TDRKH: variants seen among roughly 807,000 people sequenced by gnomAD.
TDRKH encodes tudor and KH domain-containing protein.
Under a neutral mutation model 61.3 loss-of-function variants are expected in TDRKH, and 28 were observed. That is an observed-to-expected ratio of 0.46 (90% CI 0.34 to 0.63). TDRKH has a LOEUF of 0.63. Ranked by LOEUF, TDRKH falls within the 20% of genes least tolerant of loss-of-function variation. The probability of loss-of-function intolerance (pLI) is 0.01; values close to 1 mark genes in which losing one functional copy is unlikely to be tolerated. For synonymous variants in TDRKH, 219 were observed against 244.4 expected (o/e 0.90, Z 0.97); for missense variants, 540 against 683.4 (o/e 0.79, Z 2.34).
chr1:151,788,641 A>C (rs1650580408), intron 1 of TDRKH, among the ~76,000 whole-genome samples: 1 of 152,240 alleles, frequency 6.6e-6, no homozygotes, highest in African/African-American at 2.4e-5. Flanking sequence ...ATAGAAAAGG[A>C]TTGATCTAAG....
intron 1 of TDRKH, among the ~76,000 whole-genome samples, chr1:151,787,026 C>G (rs538821773): frequency 6.6e-6 from 1 of 152,190 alleles, no homozygotes; most frequent in Non-Finnish European, 1.5e-5. Context: ...TTTCACCATC[C>G]TGAAAGTTTG....
downstream of TDRKH, chr1:151,771,198 C>T (rs774458528): frequency 4.3e-6 from 7 of 1,613,622 alleles, no homozygotes; most frequent in South Asian, 3.3e-5. Flanking sequence ...ATGTTGGCCA[C>T]CTGCCCAGTG....
intron 1 of TDRKH, among the ~76,000 whole-genome samples, chr1:151,787,420 T>C (rs1223650309): frequency 6.6e-6 from 1 of 152,126 alleles, no homozygotes; most frequent in African/African-American, 2.4e-5. Flanking sequence ...GGTTTCACCA[T>C]ATTGGCCAGG....
At chr1:151,783,155 C>T in intron 1 of TDRKH, 106 bp from the exon 2 acceptor site, 3 of 1,006,110 alleles carry the variant, frequency 3.0e-6, no homozygotes, top group Non-Finnish European at 4.1e-6. Context: ...CTACTGCCTA[C>T]CTTCCAATTT....
chr1:151,787,791 G>A (rs921366364), intron 1 of TDRKH, among the ~76,000 whole-genome samples: 10 of 113,580 alleles, frequency 8.8e-5, no homozygotes, highest in African/African-American at 3.4e-4. Flanking sequence ...GGGCAACATA[G>A]TGAGACTCTG....
At chr1:151,785,991 C>A (rs1278406077) in intron 1 of TDRKH, among the ~76,000 whole-genome samples, 2 of 152,072 alleles carry the variant, frequency 1.3e-5, no homozygotes, top group African/African-American at 4.8e-5. Context: ...AATTTACCTC[C>A]AGGTACAAAA....
At chr1:151,766,531 C>G (rs1571967668), downstream of TDRKH, 1 of 614,428 alleles carries the variant, frequency 1.6e-6, no homozygotes, top group South Asian at 2.1e-5. Flanking sequence ...AACATGCATA[C>G]TAGTCGAATA....
rs766896679 is a variant in TDRKH at position 151,776,218 on chromosome 1, AG to A, written c.1094del (p.Pro365LeufsTer35). The A allele has an allele frequency of 2.5e-6, 4 of 1,614,222 alleles. No homozygotes were observed. In the South Asian group the frequency reaches 3.3e-5, roughly 13 times the overall value. On this transcript the variant is annotated frameshift_variant, in exon 8 of 13. Coordinates refer to ENST00000368824, the MANE Select transcript of TDRKH (RefSeq NM_001083965.2). LOFTEE classifies it high-confidence loss of function. ...HVGDIVAAPLPTNGSWYRARV... is the reference protein window; with the variant it reads ...HVGDIVAAPLXTNGSWYRARV... The stretch of plus-strand genomic sequence containing the variant: ...GGGCTCGATACCAGGAACCATTTGT[AG>A]GTAAAGGTGCTGCTACAATGTCTCC...
At chr1:151,768,282 C>T, downstream of TDRKH, 1 of 1,565,662 alleles carries the variant, frequency 6.4e-7, no homozygotes, top group Non-Finnish European at 8.7e-7. Context: ...TAGGGGATTT[C>T]ACCCTTCTAT....
At chr1:151,766,862 G>C (rs1309283010), downstream of TDRKH, 2 of 1,612,594 alleles carry the variant, frequency 1.2e-6, no homozygotes, top group South Asian at 2.2e-5. Flanking sequence ...CTCTCCGGGA[G>C]AAGATGCTGC....
At chr1:151,771,458 T>C, downstream of TDRKH, 2 of 998,846 alleles carry the variant, frequency 2.0e-6, no homozygotes, top group Non-Finnish European at 2.6e-6. Context: ...TACCTAAGGA[T>C]TTTTGGTTCC....
downstream of TDRKH, among the ~76,000 whole-genome samples, chr1:151,768,664 A>C (rs1648461827): frequency 6.6e-6 from 1 of 152,166 alleles, no homozygotes; most frequent in Non-Finnish European, 1.5e-5. Context: ...TGAGTTGGCC[A>C]AATTTTTTTT....
intron 1 of TDRKH, among the ~76,000 whole-genome samples, chr1:151,784,838 C>G (rs566661378): frequency 1.2e-4 from 19 of 152,110 alleles, no homozygotes; most frequent in African/African-American, 4.3e-4. Context: ...CTACATGGAT[C>G]TCCATTTGAT....
chr1:151,766,808 G>T (rs1281331235), downstream of TDRKH: 7 of 1,604,916 alleles, frequency 4.4e-6, no homozygotes, highest in Non-Finnish European at 6.0e-6. Flanking sequence ...ACCCGATCTG[G>T]TCACCATACG....
In TDRKH at chr1:151,780,078, C is replaced by T; in HGVS notation, c.294G>A (p.Val98=). 2 of 1,614,194 alleles carry T rather than the reference C, an allele frequency of 1.2e-6. No individual in the cohort carries two copies. The highest frequency in any genetic ancestry group is 8.5e-7 in the Non-Finnish European group (1 of 1,180,014). ...VDTEDVGDER[V]LLISGFPVQV... ...GAACAGGAAAACCACTGATAAGCAGCACTCGCTCATCGCCTACATCCTCTG... is the reference window on the plus strand; with the variant it reads ...GAACAGGAAAACCACTGATAAGCAGTACTCGCTCATCGCCTACATCCTCTG... The change falls in exon 4 of 13, where the codon GTG becomes GTA. Residue 98 remains valine, a synonymous_variant. Coordinates refer to ENST00000368824, the MANE Select transcript of TDRKH (RefSeq NM_001083965.2).
In TDRKH at chr1:151,774,078, G is replaced by A. The variant is rs543087622; in HGVS notation, c.*374C>T. On this transcript the variant is annotated 3_prime_UTR_variant, in exon 13 of 13. Transcript: ENST00000368824. ...GTGGAATGGGGGAGACACACTTGTA[G>A]CGTGGTAGTCCAATTTTTTTGTAGT... 77 of 215,468 alleles carry A rather than the reference G, an allele frequency of 3.6e-4. No homozygotes were observed. The highest frequency in any genetic ancestry group is 6.3e-4 in the Non-Finnish European group (68 of 108,178). 13.3% of individuals were successfully genotyped at this position (215,468 alleles called of 1,614,324 possible).
intron 1 of TDRKH, among the ~76,000 whole-genome samples, chr1:151,788,724 A>G (rs766587017): frequency 2.0e-5 from 3 of 152,206 alleles, no homozygotes; most frequent in South Asian, 2.1e-4. Flanking sequence ...ATGGCCAGTC[A>G]TAATCACACC....
At chr1:151,788,221 A>T (rs965391412) in intron 1 of TDRKH, among the ~76,000 whole-genome samples, 1 of 152,224 alleles carries the variant, frequency 6.6e-6, no homozygotes, top group Non-Finnish European at 1.5e-5. Context: ...GTTGAAAATC[A>T]TCTCATTAAA....
downstream of TDRKH, chr1:151,766,685 A>C (rs1427088704): frequency 6.4e-7 from 1 of 1,551,096 alleles, no homozygotes; most frequent in South Asian, 1.2e-5. Context: ...CCACCTGTGA[A>C]CTTCACTTTG....
Sources: allele counts gnomAD v4.1 joint callset (sites outside exome capture counted in the v4.1 genomes callset), GRCh38; gene constraint gnomAD v4.1.1; transcripts MANE v1.5; gene names NCBI Gene and HGNC (gene_info 2026-07-23, HGNC 2026-07-21).